The following PRKG1 variants were observed in gnomAD, a reference collection of about 807,000 sequenced individuals.
The protein encoded by PRKG1 is cGMP-dependent protein kinase 1.
Under a neutral mutation model 88.1 loss-of-function variants are expected in PRKG1, and 35 were observed. The observed-to-expected ratio is 0.40, with a 90% confidence interval of 0.30 to 0.53. The LOEUF is 0.53. Ranked by LOEUF, PRKG1 falls within the 20% of genes least tolerant of loss-of-function variation. The pLI, the probability that PRKG1 is intolerant of heterozygous loss-of-function variation, is 0.59. For missense variants in PRKG1, 540 were observed against 839.8 expected (o/e 0.64, Z 4.41); for synonymous variants, 303 against 292.5 (o/e 1.04, Z -0.37).
intron 3 of PRKG1, among the ~76,000 whole-genome samples, chr10:51,472,282 C>T (rs1037409020): frequency 4.0e-5 from 6 of 151,866 alleles, no homozygotes; most frequent in African/African-American, 1.4e-4. Flanking sequence ...AATGTCTTTA[C>T]ATTCCCTTGC....
intron 3 of PRKG1, among the ~76,000 whole-genome samples, chr10:51,745,485 A>T (rs1399486337): frequency 6.6e-6 from 1 of 152,198 alleles, no homozygotes; most frequent in East Asian, 1.9e-4. Flanking sequence ...ACTTCATAGC[A>T]TATTATATGC....
chr10:51,120,046 T>G (rs1845223161), intron 1 of PRKG1, among the ~76,000 whole-genome samples: 1 of 152,144 alleles, frequency 6.6e-6, no homozygotes, highest in South Asian at 2.1e-4. Context: ...CCTTTTGCAT[T>G]TATAATGTTT....
At chr10:51,355,423 A>G (rs1471751370) in intron 2 of PRKG1, among the ~76,000 whole-genome samples, 2 of 152,062 alleles carry the variant, frequency 1.3e-5, no homozygotes, top group Non-Finnish European at 1.5e-5. Flanking sequence ...GTAGGTTCCT[A>G]ATAGAAATAT....
At chr10:52,239,340 AAAATT>A (rs1474457810) in intron 9 of PRKG1, among the ~76,000 whole-genome samples, 1 of 39,026 alleles carries the variant, frequency 2.6e-5, no homozygotes, top group African/African-American at 4.5e-5. Flanking sequence ...ATAAATAAAT[AAAATT>A]AAAAAAAAAA....
chr10:51,190,786 T>A (rs1052122327), intron 2 of PRKG1, among the ~76,000 whole-genome samples: 1 of 151,908 alleles, frequency 6.6e-6, no homozygotes, highest in Non-Finnish European at 1.5e-5. Context: ...CAGAGCATGT[T>A]ATTTAAATGT....
intron 9 of PRKG1, among the ~76,000 whole-genome samples, chr10:52,211,919 T>G (rs2132804537): frequency 6.6e-6 from 1 of 152,278 alleles, no homozygotes; most frequent in East Asian, 1.9e-4. Flanking sequence ...CTTATATTTC[T>G]AAAGTTACAT....
At chr10:51,951,319 G>A (rs1286396532) in intron 5 of PRKG1, among the ~76,000 whole-genome samples, 1 of 152,192 alleles carries the variant, frequency 6.6e-6, no homozygotes, top group Non-Finnish European at 1.5e-5. Context: ...ATTATATATT[G>A]ATTAAAGCTA....
intron 5 of PRKG1, among the ~76,000 whole-genome samples, chr10:51,969,979 C>T (rs1227276438): frequency 6.7e-6 from 1 of 148,272 alleles, no homozygotes; most frequent in Non-Finnish European, 1.5e-5. Flanking sequence ...ACTCTGTTTG[C>T]TTTATTTGCC....
rs533964396 is a variant in PRKG1 at position 51,920,802 on chromosome 10, T to G, written c.762+13232T>G. Among the ~76,000 whole-genome samples, 4 of 152,158 alleles carry G rather than the reference T, an allele frequency of 2.6e-5. No individual in the cohort carries two copies. The South Asian group carries it at 8.3e-4, about 32-fold the overall frequency. ...TACTTTTAAACATAACTTTTTTTTC[T>G]CATGAGTAGACCTTATTATTTTTAG... On this transcript the variant is annotated intron_variant, in intron 5 of 17. Coordinates refer to ENST00000373980, the MANE Select transcript of PRKG1 (RefSeq NM_006258.4).
intron 2 of PRKG1, among the ~76,000 whole-genome samples, chr10:51,341,979 C>A (rs1046198484): frequency 7.2e-5 from 11 of 152,106 alleles, no homozygotes; most frequent in African/African-American, 2.7e-4. Context: ...ATGAGGTTTT[C>A]TGGCCCTGCC....
intron 3 of PRKG1, among the ~76,000 whole-genome samples, chr10:51,472,943 C>T (rs911766099): frequency 6.6e-6 from 1 of 151,848 alleles, no homozygotes; most frequent in South Asian, 2.1e-4. Context: ...GGAGAAGACA[C>T]AAATTAAGTT....
intron 8 of PRKG1, among the ~76,000 whole-genome samples, chr10:52,144,822 C>CAAAAAT (rs768656500): frequency 2.0e-5 from 3 of 150,396 alleles, no homozygotes; most frequent in Admixed American, 6.6e-5. Context: ...GCTCAAGACA[C>CAAAAAT]AAAAATAAAA....
intron 5 of PRKG1, among the ~76,000 whole-genome samples, chr10:52,034,026 A>T (rs928855713): frequency 1.3e-5 from 2 of 151,648 alleles, no homozygotes; most frequent in Admixed American, 1.3e-4. Context: ...TCACAAGGTA[A>T]TGTCATCACT....
At chr10:51,406,741 A>C (rs1306035747) in intron 2 of PRKG1, among the ~76,000 whole-genome samples, 2 of 152,152 alleles carry the variant, frequency 1.3e-5, no homozygotes, top group African/African-American at 4.8e-5. Context: ...AAAATGTGCC[A>C]AGAAATAAAT....
chr10:51,805,988 C>T (rs1311948690), intron 4 of PRKG1, among the ~76,000 whole-genome samples: 1 of 151,958 alleles, frequency 6.6e-6, no homozygotes, highest in Non-Finnish European at 1.5e-5. Flanking sequence ...TTAAATTATT[C>T]AGGTGCCTTC....
intron 2 of PRKG1, among the ~76,000 whole-genome samples, chr10:51,443,813 A>T (rs1839190830): frequency 6.6e-6 from 1 of 152,066 alleles, no homozygotes; most frequent in African/African-American, 2.4e-5. Context: ...GGTAACAGAC[A>T]TCAGTACTTA....
chr10:51,629,618 A>G (rs1839473406), intron 3 of PRKG1, among the ~76,000 whole-genome samples: 1 of 152,090 alleles, frequency 6.6e-6, no homozygotes, highest in Non-Finnish European at 1.5e-5. Flanking sequence ...AACTCAGGAT[A>G]TTCCATCTTG....
chr10:51,908,733 A>ATCTATCTATCTATCTATCTATCTAT (rs60587885), intron 5 of PRKG1: 6 of 131,662 alleles, frequency 4.6e-5, no homozygotes, highest in African/African-American at 1.7e-4. Flanking sequence ...ATCTATATGT[A>ATCTATCTATCTATCTATCTATCTAT]ATTTTTTTTT....
At chr10:51,492,452 A>G (rs192031454) in intron 3 of PRKG1, among the ~76,000 whole-genome samples, 1 of 152,154 alleles carries the variant, frequency 6.6e-6, no homozygotes, top group Admixed American at 6.5e-5. Flanking sequence ...CTAGAAAATC[A>G]CCAGTGAAAG....
Sources: gnomAD v4.1 joint callset for allele counts (sites outside exome capture counted in the v4.1 genomes callset) on GRCh38, gnomAD v4.1.1 for gene constraint, MANE v1.5 for transcripts, NCBI Gene and HGNC (gene_info 2026-07-23, HGNC 2026-07-21) for gene names.